The following SAMD5 variants were observed in gnomAD, a reference collection of about 807,000 sequenced individuals.
SAMD5 encodes sterile alpha motif domain containing 5, also known as sterile alpha motif domain-containing protein 5.
SAMD5 carries 13 observed loss-of-function variants against 11.3 expected under a neutral mutation model. That is an observed-to-expected ratio of 1.15 (90% CI 0.75 to 1.83). The LOEUF is 1.83. SAMD5 is among the 40% of genes most tolerant of loss of function. The pLI, the probability that SAMD5 is intolerant of heterozygous loss-of-function variation, is 0.00. For missense variants in SAMD5, 255 were observed against 239.1 expected (o/e 1.07, Z -0.44); for synonymous variants, 129 against 111.3 (o/e 1.16, Z -1.00).
intron 1 of SAMD5, 39 bp downstream of exon 1, chr6:147,509,426 G>C (rs1298100400): frequency 6.7e-7 from 1 of 1,488,814 alleles, no homozygotes; most frequent in Non-Finnish European, 9.0e-7. Context: ...GGCGCGCGGC[G>C]GGAGGGGACA....
chr6:147,875,220 CT>C, the SAMD5 span, among the ~76,000 whole-genome samples: 52 of 152,240 alleles, frequency 3.4e-4, no homozygotes, highest in Middle Eastern at 6.8e-3. Flanking sequence ...TATTTTTCCC[CT>C]AAGACCTTAA....
At chr6:147,510,165 A>G (rs1227693451) in intron 1 of SAMD5, among the ~76,000 whole-genome samples, 2 of 152,132 alleles carry the variant, frequency 1.3e-5, no homozygotes, top group Middle Eastern at 3.2e-3. Context: ...CATTTGGGAG[A>G]GGAGGACCGA....
the SAMD5 span, among the ~76,000 whole-genome samples, chr6:147,950,298 G>A: frequency 6.6e-6 from 1 of 152,118 alleles, no homozygotes; most frequent in Non-Finnish European, 1.5e-5. Flanking sequence ...AGTAGGCAAA[G>A]CTTAACTTCC....
the SAMD5 span, among the ~76,000 whole-genome samples, chr6:147,903,552 G>T: frequency 6.6e-6 from 1 of 152,184 alleles, no homozygotes; most frequent in Admixed American, 6.5e-5. Flanking sequence ...TGTCAAATAT[G>T]TGTGGATAAT....
chr6:147,811,627 G>A, the SAMD5 span, among the ~76,000 whole-genome samples: 3 of 152,138 alleles, frequency 2.0e-5, no homozygotes, highest in South Asian at 2.1e-4. Context: ...TGATGGCCAC[G>A]AGAGTGCCAG....
the SAMD5 span, among the ~76,000 whole-genome samples, chr6:147,743,863 T>C: frequency 6.6e-6 from 1 of 152,212 alleles, no homozygotes; most frequent in Non-Finnish European, 1.5e-5. Flanking sequence ...ATTTGGGACT[T>C]AATAGAGTCT....
chr6:147,847,671 G>T, the SAMD5 span, among the ~76,000 whole-genome samples: 1 of 152,074 alleles, frequency 6.6e-6, no homozygotes, highest in Non-Finnish European at 1.5e-5. Context: ...TGGCCAAGGT[G>T]GTGAAACCCC....
At chr6:147,812,857 G>C in the SAMD5 span, among the ~76,000 whole-genome samples, 1 of 152,136 alleles carries the variant, frequency 6.6e-6, no homozygotes, top group African/African-American at 2.4e-5. Context: ...TAAAATGCTG[G>C]TAAATTAAAC....
At chr6:147,596,676 A>ATT (rs1789536362) in intron 1 of SAMD5, among the ~76,000 whole-genome samples, 1 of 152,222 alleles carries the variant, frequency 6.6e-6, no homozygotes, top group African/African-American at 2.4e-5. Flanking sequence ...GATAAACATC[A>ATT]CTTAGATTTA....
chr6:147,806,967 G>A, the SAMD5 span, among the ~76,000 whole-genome samples: 1 of 129,656 alleles, frequency 7.7e-6, no homozygotes, highest in Non-Finnish European at 1.6e-5. Context: ...GCCATCTGCA[G>A]GGGAGTAAAA....
At chr6:147,612,096 T>C (rs1368115091) in intron 1 of SAMD5, among the ~76,000 whole-genome samples, 1 of 152,208 alleles carries the variant, frequency 6.6e-6, no homozygotes, top group Non-Finnish European at 1.5e-5. Context: ...ATAGGTTTAG[T>C]TGATCATATT....
In SAMD5 at chr6:147,660,228, C is replaced by A. The variant is rs890408317; in HGVS notation, c.163-77089C>A. Among the ~76,000 whole-genome samples the A allele has an allele frequency of 3.3e-5, 5 of 152,298 alleles. No individual in the cohort carries two copies. The South Asian group carries it at 1.0e-3, about 32-fold the overall frequency. On this transcript the variant is annotated intron_variant, in intron 1 of 1. Transcript: ENST00000566741. ...ATATATGTGAATGTCTAAATTATTT[C>A]ATCTCCTATATCTCTTCATATTCTA... is the stretch of plus-strand genomic sequence containing the variant.
At chr6:147,935,030 A>G in the SAMD5 span, among the ~76,000 whole-genome samples, 1 of 152,174 alleles carries the variant, frequency 6.6e-6, no homozygotes, top group Non-Finnish European at 1.5e-5. Context: ...GCTACATTAA[A>G]CAAATGTATG....
At chr6:147,827,842 T>A in the SAMD5 span, among the ~76,000 whole-genome samples, 2 of 151,756 alleles carry the variant, frequency 1.3e-5, no homozygotes, top group Admixed American at 1.3e-4. Flanking sequence ...CAGGCTGGAG[T>A]GCAGTGGCGC....
At chr6:147,612,006 T>C (rs1352657058) in intron 1 of SAMD5, among the ~76,000 whole-genome samples, 1 of 152,240 alleles carries the variant, frequency 6.6e-6, no homozygotes. Flanking sequence ...CTCCCTCTGA[T>C]TCTGCTTTCC....
the SAMD5 span, among the ~76,000 whole-genome samples, chr6:147,895,128 GA>G: frequency 6.6e-6 from 1 of 152,226 alleles, no homozygotes; most frequent in Non-Finnish European, 1.5e-5. Context: ...TGCAGCTTAG[GA>G]GGAGCCCAGG....
intron 1 of SAMD5, among the ~76,000 whole-genome samples, chr6:147,616,237 ACT>A (rs1407292537): frequency 0.019 from 2,668 of 139,188 alleles, 230 homozygotes; most frequent in African/African-American, 0.073. Context: ...ATTCATATAT[ACT>A]TCATATATAT....
At chr6:147,751,429 T>G in the SAMD5 span, among the ~76,000 whole-genome samples, 1 of 152,180 alleles carries the variant, frequency 6.6e-6, no homozygotes, top group Non-Finnish European at 1.5e-5. Context: ...CTCAGCACCT[T>G]GAACAGTTCC....
At chr6:147,794,437 C>G in the SAMD5 span, among the ~76,000 whole-genome samples, 1 of 152,102 alleles carries the variant, frequency 6.6e-6, no homozygotes, top group Non-Finnish European at 1.5e-5. Flanking sequence ...ACATCATACT[C>G]ACTTAAAGTA....
Sources: gnomAD v4.1 joint callset for allele counts (sites outside exome capture counted in the v4.1 genomes callset) on GRCh38, gnomAD v4.1.1 for gene constraint, MANE v1.5 for transcripts, NCBI Gene and HGNC (gene_info 2026-07-23, HGNC 2026-07-21) for gene names.